Variants in UBE2F observed in about 807,000 individuals in gnomAD.
UBE2F encodes the protein ubiquitin conjugating enzyme E2 F (putative), also known as NEDD8-conjugating enzyme UBE2F.
A neutral mutation model predicts 29.6 loss-of-function variants in UBE2F; 5 were observed. The ratio of observed to expected loss-of-function variants is 0.17; its 90% CI spans 0.09 to 0.36. UBE2F has a LOEUF of 0.36. UBE2F is among the 10% of genes least tolerant of loss of function. UBE2F has a pLI of 1.00. For synonymous variants in UBE2F, 66 were observed against 81.8 expected, an observed-to-expected ratio of 0.81 and a Z score of 1.04; for missense variants, 141 against 228.5, an observed-to-expected ratio of 0.62 and a Z score of 2.47.
intron 5 of UBE2F, among the ~76,000 whole-genome samples, chr2:238,018,901 C>T (rs2064229156): frequency 6.6e-6 from 1 of 152,158 alleles, no homozygotes; most frequent in Non-Finnish European, 1.5e-5. Flanking sequence ...CCATTTGTGA[C>T]TTCAAGAAAT....
intron 2 of UBE2F, among the ~76,000 whole-genome samples, chr2:237,978,219 G>A (rs565763230): frequency 7.2e-5 from 11 of 152,308 alleles, no homozygotes; most frequent in African/African-American, 2.6e-4. Flanking sequence ...TCCCTGAAAG[G>A]GCTGATTGCT....
At position 237,967,102 on chromosome 2, in the gene UBE2F, G is replaced by A; in HGVS notation, c.-47G>A. 1 of 1,346,814 alleles carries A rather than the reference G, an allele frequency of 7.4e-7. No individual in the cohort carries two copies. The allele number at this position is 1,346,814 out of a possible 1,614,324, so 83.4% of individuals were successfully genotyped here. A position where few individuals can be genotyped will look rare whatever the true frequency, so the allele number is the denominator to read the frequency against. The stretch of plus-strand genomic sequence containing the variant: ...CGGACCGGGCATGGTGTTGGGCGCC[G>A]GGCCCGCCTCGCCTGTCTCGGGGAG... On this transcript the variant is annotated 5_prime_UTR_variant, in exon 1 of 10. Coordinates refer to ENST00000272930, the MANE Select transcript of UBE2F (RefSeq NM_080678.3). The surrounding 1 kb of genome is among the most constrained non-coding windows in gnomAD (Gnocchi z 6.3).
rs114300410 is a variant in UBE2F, at chr2:238,022,497, T to G, written c.283-2845T>G. On this transcript the variant is annotated intron_variant, in intron 5 of 9. Coordinates refer to ENST00000272930, the MANE Select transcript of UBE2F (RefSeq NM_080678.3). ...TTTCTTTGTTTTGCATTTGCCGTCT[T>G]TAGTCGTTGTTCTATACAAGTTTGG... is the stretch of plus-strand genomic sequence containing the variant. Among the ~76,000 whole-genome samples the G allele has an allele frequency of 1.8e-3, 281 of 152,328 alleles. 2 individuals are homozygous for G. Among genetic ancestry groups the G allele is most frequent in the African/African-American group, 6.4e-3 (265 of 41,578 alleles).
At chr2:238,022,464 G>A (rs2064318667) in intron 5 of UBE2F, among the ~76,000 whole-genome samples, 1 of 152,056 alleles carries the variant, frequency 6.6e-6, no homozygotes, top group Non-Finnish European at 1.5e-5. Flanking sequence ...TAGCTATGCT[G>A]TAAATACTTT....
intron 1 of UBE2F, among the ~76,000 whole-genome samples, chr2:237,972,510 G>A (rs947332157): frequency 3.3e-5 from 5 of 151,184 alleles, no homozygotes; most frequent in African/African-American, 1.2e-4. Flanking sequence ...CACCCAGTGA[G>A]TGTGAAATGC....
chr2:237,997,326 C>T (rs2063712113), intron 4 of UBE2F, among the ~76,000 whole-genome samples: 2 of 152,334 alleles, frequency 1.3e-5, no homozygotes, highest in South Asian at 4.1e-4. Context: ...GGGACATTAA[C>T]ATTGAGCTGT....
chr2:238,010,494 C>G (rs1488412933), intron 4 of UBE2F, among the ~76,000 whole-genome samples: 1 of 152,162 alleles, frequency 6.6e-6, no homozygotes, highest in Non-Finnish European at 1.5e-5. Context: ...TTGAAAAGTT[C>G]CTATAACTGT....
intron 6 of UBE2F, chr2:238,029,206 C>G (rs1371076652): frequency 6.6e-6 from 1 of 151,930 alleles, no homozygotes; most frequent in Non-Finnish European, 1.5e-5. Context: ...GCATGGGCCC[C>G]CCACCTAAGG....
Position 237,967,222 on chromosome 2 carries a change from G to A in UBE2F, c.-17+90G>A. Reference sequence around the variant, plus strand: ...GCGGGCCGGGCGGAGGGCGCGGGCGGTGGCGGGGCCGCCTCGGGCCCGCCG... The same window carrying A: ...GCGGGCCGGGCGGAGGGCGCGGGCGATGGCGGGGCCGCCTCGGGCCCGCCG... On this transcript the variant is annotated intron_variant, in intron 1 of 9. Coordinates refer to ENST00000272930, the MANE Select transcript of UBE2F (RefSeq NM_080678.3). The surrounding 1 kb of genome is among the most constrained non-coding windows in gnomAD (Gnocchi z 6.3). The A allele has an allele frequency of 1.1e-6, 1 of 915,014 alleles. No homozygotes were observed. Among genetic ancestry groups the A allele is most frequent in the Non-Finnish European group, 1.3e-6 (1 of 763,050 alleles). The allele number at this position is 915,014 out of a possible 1,614,324, so 56.7% of individuals were successfully genotyped here.
At chr2:237,971,010 G>A (rs2063166554) in intron 1 of UBE2F, among the ~76,000 whole-genome samples, 1 of 152,216 alleles carries the variant, frequency 6.6e-6, no homozygotes, top group South Asian at 2.1e-4. Flanking sequence ...ACCATGCCTG[G>A]CCTGTACTGT....
chr2:238,010,539 G>A (rs1455250555), intron 4 of UBE2F, among the ~76,000 whole-genome samples: 3 of 152,168 alleles, frequency 2.0e-5, no homozygotes, highest in East Asian at 1.9e-4. Flanking sequence ...GCTTTTGAAC[G>A]ATTGTTGCAG....
intron 5 of UBE2F, among the ~76,000 whole-genome samples, chr2:238,019,793 G>A (rs2064250409): frequency 6.6e-6 from 1 of 151,686 alleles, no homozygotes; most frequent in South Asian, 2.1e-4. Context: ...CGGAGTAGCT[G>A]GGATTACAGG....
intron 7 of UBE2F, among the ~76,000 whole-genome samples, chr2:238,031,333 C>CT: frequency 6.6e-6 from 1 of 152,346 alleles, no homozygotes; most frequent in African/African-American, 2.4e-5. Flanking sequence ...GTCATTGCCT[C>CT]TGGAGCCTCT....
At chr2:237,978,891 A>G (rs1284430801) in intron 2 of UBE2F, among the ~76,000 whole-genome samples, 2 of 151,680 alleles carry the variant, frequency 1.3e-5, no homozygotes, top group Admixed American at 1.3e-4. Flanking sequence ...GGTGCTCCCT[A>G]CCCCCCAAAC....
At chr2:238,026,317 A>G (rs930783255) in intron 6 of UBE2F, among the ~76,000 whole-genome samples, 1 of 152,188 alleles carries the variant, frequency 6.6e-6, no homozygotes, top group Non-Finnish European at 1.5e-5. Flanking sequence ...GGCCTAAGTC[A>G]TTTCTCATGC....
chr2:238,008,920 CCT>C (rs1274970796), intron 4 of UBE2F, among the ~76,000 whole-genome samples: 1 of 152,124 alleles, frequency 6.6e-6, no homozygotes, highest in African/African-American at 2.4e-5. Flanking sequence ...CTAGATTTCT[CCT>C]CTCTGTTATT....
chr2:238,001,550 G>A (rs1247687399), intron 4 of UBE2F, among the ~76,000 whole-genome samples: 1 of 152,132 alleles, frequency 6.6e-6, no homozygotes, highest in Non-Finnish European at 1.5e-5. Context: ...GGGCCCAGTG[G>A]CTCATGCCTG....
At chr2:237,998,718 C>T (rs1022804554) in intron 4 of UBE2F, among the ~76,000 whole-genome samples, 1 of 151,502 alleles carries the variant, frequency 6.6e-6, no homozygotes, top group Non-Finnish European at 1.5e-5. Flanking sequence ...CATGTTTAAC[C>T]TTTTAAGAAA....
At chr2:237,992,279 C>T (rs1281617114) in intron 3 of UBE2F, among the ~76,000 whole-genome samples, 2 of 152,336 alleles carry the variant, frequency 1.3e-5, no homozygotes, top group South Asian at 2.1e-4. Context: ...ATGCCAACTT[C>T]AGTGAATCAT....
Sources: gnomAD v4.1 joint callset for allele counts (sites outside exome capture counted in the v4.1 genomes callset) on GRCh38, gnomAD v4.1.1 for gene constraint, Gnocchi (gnomAD v3.1) non-coding constraint, MANE v1.5 for transcripts, NCBI Gene and HGNC (gene_info 2026-07-23, HGNC 2026-07-21) for gene names.